The following NCOR1 variants were observed in gnomAD, a reference collection of about 807,000 sequenced individuals.
NCOR1 encodes nuclear receptor corepressor 1, also known as protein phosphatase 1, regulatory subunit 109.
Under a neutral mutation model 288.1 loss-of-function variants are expected in NCOR1, and 63 were observed. The observed-to-expected ratio is 0.22, with a 90% CI of 0.18 to 0.27. The LOEUF (loss-of-function observed/expected upper bound fraction) is 0.27. NCOR1 is among the 10% of genes least tolerant of loss of function. NCOR1 has a pLI of 1.00. For missense variants in NCOR1, 2,397 were observed against 3,019.2 expected (o/e 0.79, Z 4.83); for synonymous variants, 1,007 against 1,065.9 (o/e 0.94, Z 1.08).
chr17:16,149,826 A>G lies in NCOR1; in HGVS notation c.843-309T>C, dbSNP rs530460891. On this transcript the variant is annotated intron_variant, in intron 8 of 45. Coordinates refer to ENST00000268712, the MANE Select transcript of NCOR1 (RefSeq NM_006311.4). ...TTACAGTTACTTATCCTTCTTAACA[A>G]CTCTGGTGACATAAACATCTTACTC... 5.8e-4 allele frequency among the ~76,000 whole-genome samples: 89 copies of G among 152,246 alleles called. 1 individual carries two copies. The highest frequency in any genetic ancestry group is 5.4e-3 in the East Asian group (28 of 5,180).
intron 22 of NCOR1, 67 bp downstream of exon 22, chr17:16,091,796 A>C: frequency 1.9e-6 from 3 of 1,606,934 alleles, no homozygotes; most frequent in Non-Finnish European, 2.5e-6. Flanking sequence ...CACAATGGAC[A>C]CTGCTTTTGG....
At chr17:16,152,253 A>C (rs973995861) in intron 7 of NCOR1, among the ~76,000 whole-genome samples, 2 of 152,072 alleles carry the variant, frequency 1.3e-5, no homozygotes, top group African/African-American at 4.8e-5. Context: ...TTGCTGCACC[A>C]ATTAACTCAT....
chr17:16,162,448 G>A (rs1326763460), intron 5 of NCOR1, among the ~76,000 whole-genome samples: 1 of 150,806 alleles, frequency 6.6e-6, no homozygotes, highest in Admixed American at 6.6e-5. Flanking sequence ...GGAATATCAG[G>A]TTGGACAGAT....
At chr17:16,041,544 G>A (rs1205621680) in intron 42 of NCOR1, among the ~76,000 whole-genome samples, 2 of 150,628 alleles carry the variant, frequency 1.3e-5, no homozygotes, top group Non-Finnish European at 3.0e-5. Flanking sequence ...CTCCCGAGCA[G>A]CTGGGATTAT....
intron 1 of NCOR1, among the ~76,000 whole-genome samples, chr17:16,199,216 A>AAAAACACAC (rs1337668798): frequency 3.3e-5 from 4 of 122,318 alleles, no homozygotes; most frequent in African/African-American, 9.8e-5. Flanking sequence ...AAAAAAAAAA[A>AAAAACACAC]ACACACACAC....
intron 40 of NCOR1, among the ~76,000 whole-genome samples, chr17:16,050,231 T>TA (rs1223761053): frequency 4.0e-5 from 6 of 151,666 alleles, no homozygotes; most frequent in African/African-American, 1.5e-4. Context: ...CTCAATTTTT[T>TA]TTTTTTTTTA....
At chr17:16,184,593 G>T (rs1325504032) in intron 3 of NCOR1, among the ~76,000 whole-genome samples, 1 of 152,112 alleles carries the variant, frequency 6.6e-6, no homozygotes, top group Non-Finnish European at 1.5e-5. Flanking sequence ...GAAGAAAAGA[G>T]AACTCTTGTA....
At chr17:16,186,120 G>A (rs778138500) in intron 3 of NCOR1, among the ~76,000 whole-genome samples, 1 of 152,108 alleles carries the variant, frequency 6.6e-6, no homozygotes, top group African/African-American at 2.4e-5. Context: ...TTTTATAGGA[G>A]GGAAAACTAA....
At chr17:16,068,815 G>C (rs1474864079) in intron 31 of NCOR1, among the ~76,000 whole-genome samples, 1 of 150,312 alleles carries the variant, frequency 6.7e-6, no homozygotes, top group East Asian at 1.9e-4. Flanking sequence ...CTGGGTTCAA[G>C]CGATTCTCCT....
At chr17:16,122,103 T>G (rs1488865124) in intron 15 of NCOR1, among the ~76,000 whole-genome samples, 1 of 152,208 alleles carries the variant, frequency 6.6e-6, no homozygotes, top group Non-Finnish European at 1.5e-5. Flanking sequence ...ATAAAGTGCT[T>G]ACCATCGTCT....
chr17:16,062,433 G>A (rs1314283609), intron 35 of NCOR1, among the ~76,000 whole-genome samples, 163 bp from the exon 36 acceptor site: 1 of 152,174 alleles, frequency 6.6e-6, no homozygotes, highest in African/African-American at 2.4e-5. Context: ...CCAGAAATAT[G>A]TTCTAAAAGT....
At chr17:16,034,631 G>A in intron 45 of NCOR1, 134 bp downstream of exon 45, 1 of 815,750 alleles carries the variant, frequency 1.2e-6, no homozygotes. Flanking sequence ...TCGGGAAAGT[G>A]GAACATATTA....
chr17:16,046,894 G>A (rs1177331653), intron 42 of NCOR1, 57 bp downstream of exon 42: 1 of 1,590,186 alleles, frequency 6.3e-7, no homozygotes, highest in Admixed American at 1.7e-5. Context: ...GGCAACACTG[G>A]AGATATCATT....
chr17:16,029,403 T>TC lies in NCOR1; in HGVS notation c.*2892dup. The TC allele has an allele frequency of 3.1e-6, 1 of 326,664 alleles. No homozygotes were observed. The highest frequency in any genetic ancestry group is 1.1e-3 in the Middle Eastern group (1 of 928). 20.2% of individuals were successfully genotyped at this position (326,664 alleles called of 1,614,324 possible). A position where few individuals can be genotyped will look rare whatever the true frequency, so the allele number is the denominator to read the frequency against. On this transcript the variant is annotated 3_prime_UTR_variant, in exon 46 of 46. Transcript: ENST00000268712. ...TCGTGTCATTAAAATTTTTTAACTG[T>TC]CCAATGGTCACTGGAGTTTTCTGGG...
chr17:16,043,548 G>A (rs2058117897), intron 42 of NCOR1, among the ~76,000 whole-genome samples: 1 of 152,216 alleles, frequency 6.6e-6, no homozygotes, highest in South Asian at 2.1e-4. Flanking sequence ...ACCCAACATA[G>A]TACGCTACTG....
In NCOR1 at chr17:16,029,283, G is replaced by C; in HGVS notation, c.*3013C>G. ...TCTTCATGTGGGTGTTTTCATTACA[G>C]TTCATTTACACTGTTGTAAAATAAG... is the stretch of plus-strand genomic sequence containing the variant. On this transcript the variant is annotated 3_prime_UTR_variant, in exon 46 of 46. Transcript: ENST00000268712. The C allele has an allele frequency of 2.2e-6, 1 of 452,774 alleles. No homozygotes were observed. Among genetic ancestry groups the C allele is most frequent in the Admixed American group, 2.4e-5 (1 of 42,394 alleles). 28.0% of individuals were successfully genotyped at this position (452,774 alleles called of 1,614,324 possible). A position where few individuals can be genotyped will look rare whatever the true frequency, so the allele number is the denominator to read the frequency against.
chr17:16,121,415 C>T, intron 15 of NCOR1, 146 bp from the exon 16 acceptor site: 1 of 653,926 alleles, frequency 1.5e-6, no homozygotes, highest in Non-Finnish European at 2.4e-6. Context: ...AACAATTCTG[C>T]CATACCATAG....
chr17:16,206,864 A>T (rs1312638843), intron 1 of NCOR1, among the ~76,000 whole-genome samples: 1 of 152,152 alleles, frequency 6.6e-6, no homozygotes, highest in Non-Finnish European at 1.5e-5. Context: ...AATATGCAAC[A>T]AACTCAGTAG....
intron 42 of NCOR1, chr17:16,044,408 C>G (rs1567676017): frequency 2.1e-6 from 1 of 471,388 alleles, no homozygotes; most frequent in Non-Finnish European, 4.4e-6. Flanking sequence ...CCAGGCAGTT[C>G]ACAGTGCAAG....
Sources: gnomAD v4.1 joint callset for allele counts (sites outside exome capture counted in the v4.1 genomes callset) on GRCh38, gnomAD v4.1.1 for gene constraint, MANE v1.5 for transcripts, NCBI Gene and HGNC (gene_info 2026-07-23, HGNC 2026-07-21) for gene names.